CCPG1: variants seen among roughly 807,000 people sequenced by gnomAD.
CCPG1 encodes the protein cell cycle progression 1, also known as cell cycle progression protein 1.
Under a neutral mutation model 81.3 loss-of-function variants are expected in CCPG1, and 46 were observed. The observed-to-expected ratio is 0.57, with a 90% CI of 0.45 to 0.72. The LOEUF is 0.72. Among genes scored for constraint, CCPG1 ranks in the 30% least tolerant of loss-of-function variants. The probability of loss-of-function intolerance (pLI) is 0.00; values close to 1 mark genes in which losing one functional copy is unlikely to be tolerated. For synonymous variants in CCPG1, 330 were observed against 305.2 expected, an observed-to-expected ratio of 1.08 and a Z score of -0.85; for missense variants, 902 against 937.6, an observed-to-expected ratio of 0.96 and a Z score of 0.50.
Position 55,389,408 on chromosome 15 carries a change from C to T in CCPG1, c.17G>A (p.Ser6Asn). MSENS[S>N]DSDSSCGWTV... is the part of the protein sequence containing the mutation. ...CCAACCACAAGATGAATCACTGTCA[C>T]TGGAATTTTCAGACATCTTTCAGGT... The change falls in exon 2 of 9, where the codon AGT becomes AAT. Residue 6 changes from serine (S) to asparagine (N), a missense_variant. Coordinates refer to ENST00000442196, the MANE Select transcript of CCPG1 (RefSeq NM_001204450.2). The T allele has an allele frequency of 1.2e-6, 2 of 1,611,462 alleles. No homozygotes were observed. The highest frequency in any genetic ancestry group is 4.5e-5 in the East Asian group (2 of 44,824).
At chr15:55,388,969 G>A (rs1176739268) in intron 2 of CCPG1, among the ~76,000 whole-genome samples, 2 of 145,072 alleles carry the variant, frequency 1.4e-5, no homozygotes, top group African/African-American at 5.1e-5. Context: ...TCAGGAGGCT[G>A]AGGCAGGAGA....
intron 1 of CCPG1, among the ~76,000 whole-genome samples, chr15:55,407,042 C>CA (rs2057243754): frequency 7.4e-6 from 1 of 134,820 alleles, no homozygotes; most frequent in African/African-American, 3.3e-5. Flanking sequence ...TTGAGACCCC[C>CA]CCCCCCGCCC....
rs768980548 is a variant in CCPG1, at chr15:55,360,107, T to C, written c.1666A>G (p.Lys556Glu). ...EKGNKRFGAT[K>E]EAAEKPRTVF... Reference sequence around the variant, plus strand: ...GTTCTTGGTTTTTCAGCTGCTTCTTTTGTAGCACCAAATCTTTTATTACCC... The same window carrying C: ...GTTCTTGGTTTTTCAGCTGCTTCTTCTGTAGCACCAAATCTTTTATTACCC... Residue 556 changes from lysine to glutamate, a missense_variant, in exon 8 of 9, where the codon AAA becomes GAA. Around this residue, in one of 3 missense-constraint regions of CCPG1, gnomAD observed 746 missense variants for 728.6 expected, o/e 1.02. Coordinates refer to ENST00000442196, the MANE Select transcript of CCPG1 (RefSeq NM_001204450.2). 16 of 1,614,006 alleles carry C rather than the reference T, an allele frequency of 9.9e-6. No individual in the cohort carries two copies. The South Asian group carries it at 1.6e-4, about 17-fold the overall frequency.
intron 2 of CCPG1, among the ~76,000 whole-genome samples, chr15:55,388,564 A>G (rs1441175644): frequency 1.3e-5 from 2 of 151,828 alleles, no homozygotes; most frequent in Non-Finnish European, 2.9e-5. Context: ...TCTCAACTAT[A>G]AAATAAGAAT....
At position 55,360,059 on chromosome 15, in the gene CCPG1, G is replaced by C. The variant is rs1403315924; in HGVS notation, c.1714C>G (p.Pro572Ala). 1.2e-6 allele frequency: 2 copies of C among 1,613,634 alleles called. No individual in the cohort carries two copies. The highest frequency in any genetic ancestry group is 1.7e-5 in the Admixed American group (1 of 59,966). The part of the protein sequence containing the change: ...PRTVFSDYLH[P>A]QYKAPTENHH... Reference sequence around the variant, plus strand: ...TTTTCTGTAGGTGCCTTATACTGTGGATGTAAATAGTCACTAAAAACTGTT... The same window carrying C: ...TTTTCTGTAGGTGCCTTATACTGTGCATGTAAATAGTCACTAAAAACTGTT... Residue 572 changes from proline (P) to alanine (A), a missense_variant, in exon 8 of 9, where the codon CCA becomes GCA. By Grantham distance (27) the Pro-to-Ala change is conservative. Coordinates refer to ENST00000442196, the MANE Select transcript of CCPG1 (RefSeq NM_001204450.2).
intron 5 of CCPG1, among the ~76,000 whole-genome samples, chr15:55,375,566 A>G (rs2056547975): frequency 6.6e-6 from 1 of 152,222 alleles, no homozygotes; most frequent in Admixed American, 6.5e-5. Flanking sequence ...CTGAACATCA[A>G]GAATGTCACA....
intron 5 of CCPG1, chr15:55,373,035 C>G (rs769054102): frequency 1.9e-6 from 1 of 534,392 alleles, no homozygotes; most frequent in Non-Finnish European, 3.8e-6. Context: ...CAACAGCTAT[C>G]TCCGATATTA....
At chr15:55,366,309 T>A (rs55964720) in intron 6 of CCPG1, among the ~76,000 whole-genome samples, 37,377 of 130,156 alleles carry the variant, frequency 0.29, 5,339 homozygotes, top group Non-Finnish European at 0.36. Context: ...AAAATGAAAA[T>A]TTTTTTTTTT....
At chr15:55,365,419 GTTTTTTTTTTTTGT>G (rs2056304185) in intron 6 of CCPG1, 110 bp from the exon 7 acceptor site, 1 of 476,564 alleles carries the variant, frequency 2.1e-6, no homozygotes, top group African/African-American at 2.9e-5. Context: ...TCTTTTTTTT[GTTTTTTTTTTTTGT>G]TTTTTTTTTG....
At chr15:55,391,359 G>A (rs1192405000) in intron 1 of CCPG1, among the ~76,000 whole-genome samples, 5 of 152,146 alleles carry the variant, frequency 3.3e-5, no homozygotes, top group Non-Finnish European at 5.9e-5. Context: ...CAAGCAATCC[G>A]CCCTCCTCAG....
chr15:55,392,521 AT>A (rs141394309), intron 1 of CCPG1, among the ~76,000 whole-genome samples: 3 of 147,920 alleles, frequency 2.0e-5, no homozygotes, highest in Admixed American at 6.7e-5. Context: ...CCTGGCCATG[AT>A]TTTTTTTTTA....
intron 1 of CCPG1, among the ~76,000 whole-genome samples, chr15:55,397,617 C>G (rs1324125969): frequency 6.6e-6 from 1 of 151,964 alleles, no homozygotes; most frequent in Non-Finnish European, 1.5e-5. Flanking sequence ...CTGGCCTCAC[C>G]GAGTACTAGA....
intron 1 of CCPG1, among the ~76,000 whole-genome samples, chr15:55,390,803 A>G (rs2056899265): frequency 6.6e-6 from 1 of 152,214 alleles, no homozygotes; most frequent in Non-Finnish European, 1.5e-5. Flanking sequence ...AAAAATTAAC[A>G]TGTTTCAAAT....
intron 7 of CCPG1, among the ~76,000 whole-genome samples, chr15:55,363,852 G>A (rs1257322977): frequency 6.9e-5 from 9 of 130,718 alleles, no homozygotes; most frequent in Non-Finnish European, 1.4e-4. Context: ...GGCCCAGGCC[G>A]GAGTGCAATA....
chr15:55,357,284 C>T (rs1595815780), intron 8 of CCPG1: 3 of 981,652 alleles, frequency 3.1e-6, no homozygotes, highest in Non-Finnish European at 3.6e-6. Context: ...TTACTTTCTA[C>T]TTCTCCTTCA....
Position 55,407,044 on chromosome 15 carries a change from C to CCCCA in CCPG1, c.-10+1176_-10+1177insTGGG, listed in dbSNP as rs1555411243. Among the ~76,000 whole-genome samples, 9 of 135,696 alleles carry CCCCA rather than the reference C, an allele frequency of 6.6e-5. 2 individuals carry two copies. The highest frequency in any genetic ancestry group is 2.6e-4 in the African/African-American group (8 of 30,462). 89.0% of individuals were successfully genotyped at this position (135,696 alleles called of 152,430 possible). ...CCTGGCCGACACGTTGAGACCCCCC[C>CCCCA]CCCCGCCCCGCCGTCTCTACTAAAA... On this transcript the variant is annotated intron_variant, in intron 1 of 8. Coordinates refer to ENST00000442196, the MANE Select transcript of CCPG1 (RefSeq NM_001204450.2).
chr15:55,371,993 T>C lies in CCPG1; in HGVS notation c.506A>G (p.Asn169Ser), dbSNP rs199644170. 1.1e-4 allele frequency: 183 copies of C among 1,614,038 alleles called. No individual in the cohort carries two copies. In the African/African-American group the frequency reaches 2.3e-3, roughly 20 times the overall value. The change falls in exon 6 of 9, where the codon AAT becomes AGT. Residue 169 changes from asparagine to serine, a missense_variant. Physicochemically the swap from Asn to Ser is conservative, Grantham distance 46 (BLOSUM62 1). This residue lies in a region of CCPG1 where 746 missense variants were observed against 728.6 expected (regional missense o/e 1.02). Transcript: ENST00000442196. ...DDESSSDETS[N>S]QPSPAFRRRR... ...TCGTCTAAAGGCAGGACTGGGCTGA[T>C]TACTGGTTTCATCACTACTTGATTC...
At chr15:55,406,724 C>T (rs1040956182) in intron 1 of CCPG1, among the ~76,000 whole-genome samples, 5 of 151,798 alleles carry the variant, frequency 3.3e-5, no homozygotes, top group African/African-American at 9.7e-5. Context: ...CCTGAGCCAC[C>T]GCTCTGGACC....
chr15:55,404,062 G>A (rs1016528503), intron 1 of CCPG1, among the ~76,000 whole-genome samples: 3 of 152,094 alleles, frequency 2.0e-5, no homozygotes, highest in Non-Finnish European at 2.9e-5. Context: ...TTTTTCTTAT[G>A]CCCTGTGAAT....
Sources: allele counts gnomAD v4.1 joint callset (sites outside exome capture counted in the v4.1 genomes callset), GRCh38; gene constraint gnomAD v4.1.1; regional missense constraint gnomAD v4.1.1; transcripts MANE v1.5; gene names NCBI Gene and HGNC (gene_info 2026-07-23, HGNC 2026-07-21).